ADCY5: variants seen among roughly 807,000 people sequenced by gnomAD.
The protein encoded by ADCY5 is adenylate cyclase type 5.
Under a neutral mutation model 119.7 loss-of-function variants are expected in ADCY5, and 30 were observed. The observed-to-expected ratio is 0.25, with a 90% CI of 0.19 to 0.34. The LOEUF is 0.34. ADCY5 is among the 10% of genes least tolerant of loss of function. The pLI, the probability that ADCY5 is intolerant of heterozygous loss-of-function variation, is 1.00. For missense variants in ADCY5, 1,324 were observed against 1,775.2 expected, an observed-to-expected ratio of 0.75 and a Z score of 4.57; for synonymous variants, 753 against 762.2, an observed-to-expected ratio of 0.99 and a Z score of 0.20.
chr3:123,314,264 A>G lies in ADCY5; in HGVS notation c.2413T>C (p.Phe805Leu). 6.2e-7 allele frequency: 1 copy of G among 1,613,750 alleles called. No individual in the cohort carries two copies. ...ACGCAGGAGTAGATCACAGACACAA[A>G]CACCACCAAGGTCAGCAGCAGGGAA... ...TCSLLLTLVVFVSVIYSCVKL... is the reference protein window; with the variant it reads ...TCSLLLTLVVLVSVIYSCVKL... The change falls in exon 12 of 21, where the codon TTT becomes CTT. Residue 805 changes from phenylalanine (F) to leucine (L), a missense_variant. Phe to Leu is a conservative substitution (Grantham distance 22). This residue lies in a region of ADCY5 where 424 missense variants were observed against 546.8 expected (regional missense o/e 0.78). Transcript: ENST00000462833.
chr3:123,437,586 G>C (rs1244963377), intron 1 of ADCY5, among the ~76,000 whole-genome samples: 1 of 152,174 alleles, frequency 6.6e-6, no homozygotes, highest in East Asian at 1.9e-4. Flanking sequence ...AAGATTAGAT[G>C]AGGTCATGCA....
At chr3:123,344,506 TTCCTA>T (rs1942436544) in intron 3 of ADCY5, among the ~76,000 whole-genome samples, 1 of 152,322 alleles carries the variant, frequency 6.6e-6, no homozygotes, top group Non-Finnish European at 1.5e-5. Flanking sequence ...GTAGGTACTC[TTCCTA>T]TCCTATTACG....
chr3:123,426,698 T>C (rs56028426), intron 1 of ADCY5, among the ~76,000 whole-genome samples: 2,517 of 152,210 alleles, frequency 0.017, 74 homozygotes, highest in African/African-American at 0.053. Context: ...GTTAAGTACA[T>C]ACTTTGTCAG....
In ADCY5 at chr3:123,286,675, C is replaced by A; in HGVS notation, c.3657+10G>T. ...ATGGGGTGAGGGGTGGTGGATGCTC[C>A]TGCACTCACCTGGATGCGGTCGGGT... On this transcript the variant is annotated intron_variant, in intron 20 of 20. Coordinates refer to ENST00000462833, the MANE Select transcript of ADCY5 (RefSeq NM_183357.3). The surrounding 1 kb of genome is among the most constrained non-coding windows in gnomAD (Gnocchi z 4.2). 1 of 1,603,836 alleles carries A rather than the reference C, an allele frequency of 6.2e-7. No homozygotes were observed. The highest frequency in any genetic ancestry group is 1.1e-5 in the South Asian group (1 of 89,198).
chr3:123,311,087 G>C (rs1321190862), intron 12 of ADCY5, among the ~76,000 whole-genome samples: 1 of 152,212 alleles, frequency 6.6e-6, no homozygotes, highest in African/African-American at 2.4e-5. Context: ...TGTTGTTCTG[G>C]GAAAATGGAA....
intron 18 of ADCY5, among the ~76,000 whole-genome samples, 187 bp from the exon 19 acceptor site, chr3:123,290,141 C>T (rs980903774): frequency 3.3e-5 from 5 of 152,278 alleles, no homozygotes; most frequent in African/African-American, 1.2e-4. Flanking sequence ...CCAGGCCCCT[C>T]CACACTCACT....
At chr3:123,389,899 GA>G (rs1333386769) in intron 1 of ADCY5, among the ~76,000 whole-genome samples, 1 of 130,684 alleles carries the variant, frequency 7.7e-6, no homozygotes, top group African/African-American at 3.2e-5. Flanking sequence ...GCTCGCTGGG[GA>G]GCTTAGCTCT....
intron 1 of ADCY5, among the ~76,000 whole-genome samples, chr3:123,427,445 C>A (rs976309403): frequency 1.3e-5 from 2 of 152,214 alleles, no homozygotes; most frequent in African/African-American, 4.8e-5. Flanking sequence ...TCCCTGGCCC[C>A]TGGTTTAGTC....
chr3:123,422,350 G>T (rs74557936), intron 1 of ADCY5, among the ~76,000 whole-genome samples: 1 of 152,176 alleles, frequency 6.6e-6, no homozygotes, highest in Non-Finnish European at 1.5e-5. Flanking sequence ...GGCTGCCCAC[G>T]GAAGTCCCAT....
chr3:123,363,450 T>C (rs1943329043), intron 1 of ADCY5, among the ~76,000 whole-genome samples: 4 of 152,308 alleles, frequency 2.6e-5, no homozygotes, highest in African/African-American at 9.6e-5. Context: ...TATGAAGAGC[T>C]TTCCAAATAT....
chr3:123,405,376 G>A (rs561760483), intron 1 of ADCY5, among the ~76,000 whole-genome samples: 8 of 152,318 alleles, frequency 5.3e-5, no homozygotes, highest in Non-Finnish European at 7.4e-5. Context: ...GGGTTTCCAC[G>A]TCAGAATTCT....
At chr3:123,395,264 G>C (rs537046937) in intron 1 of ADCY5, among the ~76,000 whole-genome samples, 1 of 152,268 alleles carries the variant, frequency 6.6e-6, no homozygotes, top group South Asian at 2.1e-4. Flanking sequence ...GCTCCACAAT[G>C]GCTTATCTCC....
In ADCY5 at chr3:123,445,791, G is replaced by A. The variant is rs188472240; in HGVS notation, c.1134+1621C>T. Among the ~76,000 whole-genome samples, 41 of 152,232 alleles carry A rather than the reference G, an allele frequency of 2.7e-4. 1 individual carries two copies. In the East Asian group the frequency reaches 6.6e-3, roughly 24 times the overall value. On this transcript the variant is annotated intron_variant, in intron 1 of 20. Coordinates refer to ENST00000462833, the MANE Select transcript of ADCY5 (RefSeq NM_183357.3). Reference sequence around the variant, plus strand: ...CAAGCAGTTATTAAATCCCTACTAAGTATTCTGCACTGTGCTTAGGTAAGG... The same window carrying A: ...CAAGCAGTTATTAAATCCCTACTAAATATTCTGCACTGTGCTTAGGTAAGG...
At chr3:123,345,769 G>GACACACACATACACACACACAC (rs1942515844) in intron 3 of ADCY5, among the ~76,000 whole-genome samples, 3 of 113,762 alleles carry the variant, frequency 2.6e-5, no homozygotes, top group African/African-American at 1.2e-4. Context: ...CAGACAGACA[G>GACACACACATACACACACACAC]ACACACACAC....
At chr3:123,377,567 T>C (rs145073935) in intron 1 of ADCY5, among the ~76,000 whole-genome samples, 51 of 152,326 alleles carry the variant, frequency 3.3e-4, no homozygotes, top group East Asian at 2.3e-3. Context: ...TGATTTTCCA[T>C]CAGTGTGCAA....
chr3:123,309,418 C>T (rs1940420615), intron 12 of ADCY5, among the ~76,000 whole-genome samples: 1 of 152,212 alleles, frequency 6.6e-6, no homozygotes, highest in African/African-American at 2.4e-5. Flanking sequence ...TATATTAGCA[C>T]AGGCAGTGTC....
Position 123,314,264 on chromosome 3 carries a change from ACAC to A in ADCY5, c.2410_2412del (p.Val804del). On this transcript the variant is annotated inframe_deletion, in exon 12 of 21. Coordinates refer to ENST00000462833, the MANE Select transcript of ADCY5 (RefSeq NM_183357.3). ...ACGCAGGAGTAGATCACAGACACAA[ACAC>A]CACCAAGGTCAGCAGCAGGGAACAG... The A allele has an allele frequency of 6.2e-7, 1 of 1,613,750 alleles. No homozygotes were observed. The highest frequency in any genetic ancestry group is 8.5e-7 in the Non-Finnish European group (1 of 1,179,738).
intron 1 of ADCY5, among the ~76,000 whole-genome samples, chr3:123,360,653 T>C (rs184574932): frequency 2.8e-4 from 42 of 152,290 alleles, no homozygotes; most frequent in South Asian, 1.2e-3. Flanking sequence ...TATAATACGA[T>C]TCTAAAGTGT....
chr3:123,376,828 A>T (rs1265930059), intron 1 of ADCY5, among the ~76,000 whole-genome samples: 1 of 152,210 alleles, frequency 6.6e-6, no homozygotes, highest in East Asian at 1.9e-4. Context: ...TCACTGAAAT[A>T]GTCCCAAAGC....
Sources: gnomAD v4.1 joint callset for allele counts (sites outside exome capture counted in the v4.1 genomes callset) on GRCh38, gnomAD v4.1.1 for gene constraint, gnomAD v4.1.1 regional missense constraint, Gnocchi (gnomAD v3.1) non-coding constraint, MANE v1.5 for transcripts, NCBI Gene and HGNC (gene_info 2026-07-23, HGNC 2026-07-21) for gene names.